The following ADGRL2 variants were observed in gnomAD, a reference collection of about 807,000 sequenced individuals.
The protein encoded by ADGRL2 is calcium-independent alpha-latrotoxin receptor 2.
Under a neutral mutation model 157.4 loss-of-function variants are expected in ADGRL2, and 44 were observed. The observed-to-expected ratio is 0.28, with a 90% CI of 0.22 to 0.36. ADGRL2 has a LOEUF of 0.36. Among genes scored for constraint, ADGRL2 ranks in the 10% least tolerant of loss-of-function variants. The pLI, the probability that ADGRL2 is intolerant of heterozygous loss-of-function variation, is 1.00. For synonymous variants in ADGRL2, 585 were observed against 624.7 expected (o/e 0.94, Z 0.95); for missense variants, 1,510 against 1,768.9 (o/e 0.85, Z 2.63).
At chr1:81,370,606 C>T (rs1021530903) in intron 1 of ADGRL2, among the ~76,000 whole-genome samples, 2 of 151,906 alleles carry the variant, frequency 1.3e-5, no homozygotes, top group African/African-American at 4.8e-5. Context: ...CTCAGAAGAC[C>T]CCCTCCCCTA....
intron 1 of ADGRL2, among the ~76,000 whole-genome samples, chr1:81,706,765 G>C (rs1199112328): frequency 6.6e-6 from 1 of 152,134 alleles, no homozygotes; most frequent in Non-Finnish European, 1.5e-5. Flanking sequence ...CTGGAAGCAA[G>C]GCCTGATCAG....
At chr1:81,427,148 T>A in intron 1 of ADGRL2, 1 of 1,165,780 alleles carries the variant, frequency 8.6e-7, no homozygotes, top group Non-Finnish European at 1.3e-6. Flanking sequence ...ATCCGGCAAT[T>A]TTATGGGTTG....
intron 1 of ADGRL2, among the ~76,000 whole-genome samples, chr1:81,331,645 C>A (rs577260816): frequency 6.6e-6 from 1 of 152,008 alleles, no homozygotes; most frequent in Non-Finnish European, 1.5e-5. Flanking sequence ...ATGTGCATTG[C>A]CTTTAAGGAT....
intron 1 of ADGRL2, among the ~76,000 whole-genome samples, chr1:81,412,799 A>C (rs886146992): frequency 6.6e-6 from 1 of 152,210 alleles, no homozygotes; most frequent in Admixed American, 6.5e-5. Context: ...TAAGTGACAT[A>C]CACATAGGAA....
chr1:81,655,558 A>G (rs1221349180), intron 3 of ADGRL2, among the ~76,000 whole-genome samples: 1 of 152,080 alleles, frequency 6.6e-6, no homozygotes, highest in East Asian at 1.9e-4. Flanking sequence ...ACCATTCTCC[A>G]AGGTACTTCA....
chr1:81,763,680 C>T (rs777171742), intron 2 of ADGRL2, among the ~76,000 whole-genome samples: 5 of 150,632 alleles, frequency 3.3e-5, no homozygotes, highest in African/African-American at 7.3e-5. Context: ...TTCAGGAGTT[C>T]GAGACCAGCC....
intron 17 of ADGRL2, among the ~76,000 whole-genome samples, chr1:81,974,532 T>G (rs957926257): frequency 6.6e-6 from 1 of 152,162 alleles, no homozygotes; most frequent in African/African-American, 2.4e-5. Flanking sequence ...GATACAAGTA[T>G]AGCTTTAGAG....
At chr1:81,745,248 A>C (rs1390766054) in intron 1 of ADGRL2, among the ~76,000 whole-genome samples, 2 of 152,228 alleles carry the variant, frequency 1.3e-5, no homozygotes, top group Non-Finnish European at 2.9e-5. Context: ...TGAAATTTAC[A>C]AAGTGCATCT....
chr1:81,417,129 C>T (rs1262945987), intron 1 of ADGRL2, among the ~76,000 whole-genome samples: 5 of 152,000 alleles, frequency 3.3e-5, no homozygotes, highest in Non-Finnish European at 4.4e-5. Context: ...TAAATTTTCC[C>T]GAATTACATT....
chr1:81,326,828 A>C (rs1179299384), intron 1 of ADGRL2, among the ~76,000 whole-genome samples: 1 of 152,228 alleles, frequency 6.6e-6, no homozygotes, highest in African/African-American at 2.4e-5. Context: ...CTGAACCGTC[A>C]GAAATAATCA....
intron 3 of ADGRL2, among the ~76,000 whole-genome samples, chr1:81,595,401 G>A (rs967892000): frequency 6.6e-6 from 1 of 152,162 alleles, no homozygotes; most frequent in Non-Finnish European, 1.5e-5. Context: ...TACATCTCAA[G>A]GGTATTTTTG....
intron 2 of ADGRL2, among the ~76,000 whole-genome samples, chr1:81,522,430 G>C (rs188075685): frequency 4.9e-4 from 74 of 152,272 alleles, no homozygotes; most frequent in African/African-American, 1.7e-3. Flanking sequence ...CATTACTAGA[G>C]GAACATTATA....
At chr1:81,546,696 T>C (rs1417511140) in intron 2 of ADGRL2, among the ~76,000 whole-genome samples, 1 of 152,208 alleles carries the variant, frequency 6.6e-6, no homozygotes, top group Non-Finnish European at 1.5e-5. Context: ...GTAACTTAGT[T>C]TGTGCTTCAA....
At chr1:81,376,495 A>G (rs542274920) in intron 1 of ADGRL2, among the ~76,000 whole-genome samples, 10 of 152,156 alleles carry the variant, frequency 6.6e-5, no homozygotes, top group African/African-American at 2.4e-4. Context: ...GAGTCTCGCC[A>G]TGTCCTTTTT....
Position 81,884,574 on chromosome 1 carries a change from A to C in ADGRL2, c.74-22443A>C, listed in dbSNP as rs72717788. On this transcript the variant is annotated intron_variant, in intron 2 of 23. Transcript: ENST00000686636. ...GACTAAACATATATTGAACAAAGCA[A>C]AACACTATGTATCTGCTCTTTCATA... is the stretch of plus-strand genomic sequence containing the variant. 2.3e-3 allele frequency among the ~76,000 whole-genome samples: 356 copies of C among 152,308 alleles called. 2 individuals carry two copies. The highest frequency in any genetic ancestry group is 1.0e-3 in the Non-Finnish European group (70 of 68,018).
chr1:81,900,373 C>G lies in ADGRL2; in HGVS notation c.74-6644C>G, dbSNP rs144470764. ...GGCTGCTCCTTATCCCCCGCAATCC[C>G]TCCATCTCTTACTCCTTAACTATGT... On this transcript the variant is annotated intron_variant, in intron 2 of 23. Transcript: ENST00000686636. Among the ~76,000 whole-genome samples the G allele has an allele frequency of 8.1e-3, 1,239 of 152,282 alleles. 16 individuals are homozygous for G. Among genetic ancestry groups the G allele is most frequent in the African/African-American group, 0.028 (1,172 of 41,564 alleles).
chr1:81,931,790 C>G (rs1362994331), intron 3 of ADGRL2, among the ~76,000 whole-genome samples: 1 of 152,026 alleles, frequency 6.6e-6, no homozygotes, highest in African/African-American at 2.4e-5. Context: ...TACCACCACA[C>G]CTGGCTAATT....
At chr1:81,786,370 G>T (rs1260080504) in intron 2 of ADGRL2, among the ~76,000 whole-genome samples, 1 of 152,152 alleles carries the variant, frequency 6.6e-6, no homozygotes, top group Non-Finnish European at 1.5e-5. Flanking sequence ...TTGAGGCCGG[G>T]AATTTGAGAC....
chr1:81,484,747 A>G (rs1411141222), intron 2 of ADGRL2, among the ~76,000 whole-genome samples: 1 of 149,088 alleles, frequency 6.7e-6, no homozygotes, highest in Non-Finnish European at 1.5e-5. Flanking sequence ...TTCTATTACA[A>G]TGATTTTCTG....
Sources: allele counts gnomAD v4.1 joint callset (sites outside exome capture counted in the v4.1 genomes callset), GRCh38; gene constraint gnomAD v4.1.1; transcripts MANE v1.5; gene names NCBI Gene and HGNC (gene_info 2026-07-23, HGNC 2026-07-21).